The following DMD variants were observed in gnomAD, a reference collection of about 807,000 sequenced individuals.
DMD encodes the protein dystrophin, also known as mutant dystrophin.
A neutral mutation model predicts 330.1 loss-of-function variants in DMD; 63 were observed. The ratio of observed to expected loss-of-function variants is 0.19; its 90% confidence interval spans 0.16 to 0.24. The LOEUF (loss-of-function observed/expected upper bound fraction) is 0.24. Ranked by LOEUF, DMD falls within the 10% of genes least tolerant of loss-of-function variation. DMD has a pLI of 1.00. For missense variants in DMD, 3,344 were observed against 2,684.1 expected (o/e 1.25, Z -5.43); for synonymous variants, 1,223 against 959.8 (o/e 1.27, Z -5.07).
rs181308789 is a variant in DMD at position 32,718,159 on chromosome X, G to C, written c.650-18866C>G. Among the ~76,000 whole-genome samples, 158 of 111,015 alleles carry C rather than the reference G, an allele frequency of 1.4e-3. 1 individual carries two copies. Among genetic ancestry groups the C allele is most frequent in the Middle Eastern group, 4.6e-3 (1 of 218 alleles). On this transcript the variant is annotated intron_variant, in intron 7 of 78. Transcript: ENST00000357033. ...GAGAACAATATGAGATTTGGGAGGG[G>C]TTGGGGCAGAACGATATAGTTTGGC...
chrX:33,097,806 G>A (rs1404160237), intron 1 of DMD, among the ~76,000 whole-genome samples: 1 of 108,312 alleles, frequency 9.2e-6, no homozygotes, highest in Non-Finnish European at 1.9e-5. Context: ...AGTAGAGACG[G>A]GGTTTCATCA....
At chrX:32,709,260 G>A (rs972223595) in intron 7 of DMD, among the ~76,000 whole-genome samples, 1 of 111,580 alleles carries the variant, frequency 9.0e-6, no homozygotes, top group African/African-American at 3.3e-5. Flanking sequence ...CAAATGTGAA[G>A]CATTGATGGA....
At chrX:32,655,095 G>T (rs60343906) in intron 9 of DMD, among the ~76,000 whole-genome samples, 9,210 of 111,089 alleles carry the variant, frequency 0.083, 309 homozygotes, top group African/African-American at 0.13. Flanking sequence ...CCAGCTCCTA[G>T]ATTCATTGAT....
At chrX:33,303,127 C>A (rs1167205604) in intron 1 of DMD, among the ~76,000 whole-genome samples, 3 of 111,506 alleles carry the variant, frequency 2.7e-5, no homozygotes, top group Non-Finnish European at 5.7e-5. Flanking sequence ...ATCTTATTGT[C>A]TGAATGTTCT....
intron 50 of DMD, among the ~76,000 whole-genome samples, chrX:31,785,204 T>C (rs1327353801): frequency 8.9e-6 from 1 of 112,221 alleles, no homozygotes; most frequent in African/African-American, 3.2e-5. Context: ...AAATACTGCA[T>C]GCTTCCTTTT....
rs16989923 is a variant in DMD at position 31,894,818 on chromosome X, C to T, written c.6913-19445G>A. On this transcript the variant is annotated intron_variant, in intron 47 of 78. Transcript: ENST00000357033. Reference sequence around the variant, plus strand: ...TGAAGCTGGAATTAAAACAACAAATCTGAAGCCATGGTCTTTTTCATCACT... The same window carrying T: ...TGAAGCTGGAATTAAAACAACAAATTTGAAGCCATGGTCTTTTTCATCACT... 9.9e-3 allele frequency among the ~76,000 whole-genome samples: 1,111 copies of T among 111,832 alleles called. 20 individuals carry two copies. Among genetic ancestry groups the T allele is most frequent in the African/African-American group, 0.034 (1,056 of 30,786 alleles).
intron 1 of DMD, among the ~76,000 whole-genome samples, chrX:33,023,591 A>G (rs1419774985): frequency 8.9e-6 from 1 of 111,760 alleles, no homozygotes; most frequent in Non-Finnish European, 1.9e-5. Flanking sequence ...ATGAAGTAGA[A>G]GATGTTTCAT....
intron 4 of DMD, among the ~76,000 whole-genome samples, chrX:32,825,911 A>G (rs969232383): frequency 3.6e-5 from 4 of 111,642 alleles, no homozygotes; most frequent in African/African-American, 1.3e-4. Flanking sequence ...ACTTGGGATG[A>G]TGAAATCATT....
chrX:32,327,415 T>A (rs759131124), intron 41 of DMD, among the ~76,000 whole-genome samples: 1 of 110,953 alleles, frequency 9.0e-6, no homozygotes, highest in Admixed American at 9.7e-5. Context: ...ATTAAAATGA[T>A]ATCCATCTGA....
chrX:33,211,518 C>T lies in DMD; in HGVS notation c.-206G>A, dbSNP rs1433622189. The T allele has an allele frequency of 7.4e-5, 79 of 1,074,788 alleles. No individual in the cohort carries two copies. The highest frequency in any genetic ancestry group is 9.3e-5 in the Non-Finnish European group (77 of 829,488). 88.6% of individuals were successfully genotyped at this position (1,074,788 alleles called of 1,213,427 possible). A position where few individuals can be genotyped will look rare whatever the true frequency, so the allele number is the denominator to read the frequency against. ...TCCTGTAGGGGGAAAGTGAGTGATCCCAACACTGAGTGAGTCAACACAGTA... is the reference window on the plus strand; with the variant it reads ...TCCTGTAGGGGGAAAGTGAGTGATCTCAACACTGAGTGAGTCAACACAGTA... On this transcript the variant is annotated 5_prime_UTR_variant, in exon 1 of 79. Transcript: ENST00000357033.
chrX:31,702,854 CT>C (rs534843685), intron 52 of DMD, among the ~76,000 whole-genome samples: 2,079 of 88,959 alleles, frequency 0.023, 58 homozygotes, highest in African/African-American at 0.066. Flanking sequence ...TCAGAGAAGT[CT>C]TTTTTTTTTT....
chrX:31,622,244 T>A (rs2078571297), intron 55 of DMD, among the ~76,000 whole-genome samples: 1 of 111,027 alleles, frequency 9.0e-6, no homozygotes, highest in East Asian at 2.8e-4. Context: ...AATGTTAAAA[T>A]ACAGAGGCTT....
intron 44 of DMD, among the ~76,000 whole-genome samples, chrX:32,203,410 C>A (rs1010196504): frequency 4.5e-5 from 5 of 112,087 alleles, no homozygotes; most frequent in Non-Finnish European, 9.4e-5. Flanking sequence ...TTTTGGTCTG[C>A]AGCACTGTCC....
chrX:31,127,488 A>G (rs1399906698), intron 77 of DMD, among the ~76,000 whole-genome samples: 3 of 112,625 alleles, frequency 2.7e-5, no homozygotes, highest in Non-Finnish European at 5.6e-5. Context: ...CTGTCCATAC[A>G]TGTCAATAGC....
chrX:31,235,186 TGC>T (rs2047600341), intron 63 of DMD, among the ~76,000 whole-genome samples: 1 of 112,036 alleles, frequency 8.9e-6, no homozygotes, highest in Non-Finnish European at 1.9e-5. Context: ...ATCATGAGGA[TGC>T]TTATGTACAT....
chrX:31,804,519 T>C (rs770278025), intron 50 of DMD, among the ~76,000 whole-genome samples: 204 of 112,248 alleles, frequency 1.8e-3, no homozygotes, highest in African/African-American at 6.1e-3. Flanking sequence ...AATATGCTCA[T>C]GTCACTAGTC....
chrX:31,135,808 C>T (rs1387731701), intron 76 of DMD, among the ~76,000 whole-genome samples: 1 of 112,444 alleles, frequency 8.9e-6, no homozygotes, highest in African/African-American at 3.2e-5. Context: ...CACATTGTCA[C>T]TTCCATCTAA....
chrX:32,852,838 C>T (rs2081246832), intron 2 of DMD, among the ~76,000 whole-genome samples: 1 of 110,189 alleles, frequency 9.1e-6, no homozygotes, highest in South Asian at 3.9e-4. Flanking sequence ...ATGGGACAAA[C>T]TTTGTATTGT....
chrX:31,977,345 GT>G lies in DMD; in HGVS notation c.6439-8832del, dbSNP rs759151229. 6.3e-5 allele frequency among the ~76,000 whole-genome samples: 7 copies of G among 111,552 alleles called. No homozygotes were observed. In the South Asian group the frequency reaches 2.6e-3, roughly 42 times the overall value. On this transcript the variant is annotated intron_variant, in intron 44 of 78. Coordinates refer to ENST00000357033, the MANE Select transcript of DMD (RefSeq NM_004006.3). ...AAAAGAGACATTTAAAAATAATTGT[GT>G]TTTTATCAAAGTTTCATCTCCTACC...
Sources: gnomAD v4.1 joint callset for allele counts (sites outside exome capture counted in the v4.1 genomes callset) on GRCh38, gnomAD v4.1.1 for gene constraint, MANE v1.5 for transcripts, NCBI Gene and HGNC (gene_info 2026-07-23, HGNC 2026-07-21) for gene names.